The following UROS variants were observed in gnomAD, a reference collection of about 807,000 sequenced individuals.
UROS encodes uroporphyrinogen-III synthase.
A neutral mutation model predicts 33.0 loss-of-function variants in UROS; 18 were observed. That is an observed-to-expected ratio of 0.55 (90% CI 0.38 to 0.81). The LOEUF (loss-of-function observed/expected upper bound fraction) is 0.81, where lower values mean the gene tolerates loss of function less well. Ranked by LOEUF, UROS falls within the 30% of genes least tolerant of loss-of-function variation. The pLI, the probability that UROS is intolerant of heterozygous loss-of-function variation, is 0.00. For missense variants in UROS, 293 were observed against 314.9 expected, an observed-to-expected ratio of 0.93 and a Z score of 0.53; for synonymous variants, 114 against 121.1, an observed-to-expected ratio of 0.94 and a Z score of 0.38.
At position 125,813,109 on chromosome 10, in the gene UROS, C is replaced by A. The variant is rs570084643; in HGVS notation, c.245-821G>T. On this transcript the variant is annotated intron_variant, in intron 4 of 9. Coordinates refer to ENST00000368797, the MANE Select transcript of UROS (RefSeq NM_000375.3). Reference sequence around the variant, plus strand: ...CCCATAAATATCAATAGTATTTATTCAAAAGTTATCCATAGCATGTAAACA... The same window carrying A: ...CCCATAAATATCAATAGTATTTATTAAAAAGTTATCCATAGCATGTAAACA... Among the ~76,000 whole-genome samples, 60 of 152,248 alleles carry A rather than the reference C, an allele frequency of 3.9e-4. 1 individual carries two copies. The highest frequency in any genetic ancestry group is 1.4e-3 in the African/African-American group (59 of 41,520).
intron 5 of UROS, among the ~76,000 whole-genome samples, chr10:125,811,391 G>A (rs760479767): frequency 1.4e-4 from 21 of 152,152 alleles, no homozygotes; most frequent in Admixed American, 7.9e-4. Context: ...AGAGATGTGC[G>A]GGAGGGAAGA....
chr10:125,808,529 C>T (rs1164009943), intron 5 of UROS, among the ~76,000 whole-genome samples: 2 of 152,212 alleles, frequency 1.3e-5, no homozygotes, highest in African/African-American at 2.4e-5. Flanking sequence ...AAAAATCCCA[C>T]AGGAACTGAA....
chr10:125,803,087 G>A (rs1192239959), intron 6 of UROS: 23 of 1,610,116 alleles, frequency 1.4e-5, no homozygotes, highest in Non-Finnish European at 1.9e-5. Flanking sequence ...AGCACACAGA[G>A]CAAGGGAGAC....
chr10:125,800,565 C>CTTTT (rs367801933), intron 6 of UROS, among the ~76,000 whole-genome samples: 8 of 140,404 alleles, frequency 5.7e-5, no homozygotes, highest in Non-Finnish European at 7.7e-5. Context: ...TTCTTTCTTT[C>CTTTT]TTTTTTTTTT....
intron 6 of UROS, 86 bp downstream of exon 6, chr10:125,807,327 T>C: frequency 2.5e-6 from 3 of 1,182,130 alleles, no homozygotes; most frequent in African/African-American, 1.5e-5. Flanking sequence ...AAGAATGCAC[T>C]GAGGAAATAT....
At chr10:125,786,229 G>C (rs552809591), downstream of UROS, among the ~76,000 whole-genome samples, 41 of 151,650 alleles carry the variant, frequency 2.7e-4, no homozygotes, top group African/African-American at 9.7e-4. Context: ...TGAAGTTTGG[G>C]AACAGATTTC....
At chr10:125,818,492 A>AAAT (rs36118712) in intron 1 of UROS, among the ~76,000 whole-genome samples, 104,356 of 147,534 alleles carry the variant, frequency 0.71, 37,698 homozygotes, top group Non-Finnish European at 0.78. Context: ...GATCTTGTCT[A>AAAT]AATAATAATA....
chr10:125,795,804 C>A (rs1202997448), intron 8 of UROS, among the ~76,000 whole-genome samples: 1 of 152,238 alleles, frequency 6.6e-6, no homozygotes, highest in African/African-American at 2.4e-5. Flanking sequence ...TCCTCAAAGT[C>A]ACCACATTAA....
At chr10:125,798,012 G>C in intron 7 of UROS, 53 bp downstream of exon 7, 1 of 1,601,578 alleles carries the variant, frequency 6.2e-7, no homozygotes, top group South Asian at 1.1e-5. Flanking sequence ...CACTGCAAAG[G>C]CTCCTGGTGG....
At chr10:125,802,159 A>G in intron 6 of UROS, 1 of 985,496 alleles carries the variant, frequency 1.0e-6, no homozygotes, top group Non-Finnish European at 1.2e-6. Flanking sequence ...TAGAAACAAA[A>G]AGCCTGGAGC....
At position 125,797,778 on chromosome 10, in the gene UROS, C is replaced by T. The variant is rs144282431; in HGVS notation, c.475+287G>A. 1.7e-4 allele frequency among the ~76,000 whole-genome samples: 26 copies of T among 152,328 alleles called. No homozygotes were observed. In the East Asian group the frequency reaches 4.6e-3, roughly 27 times the overall value. On this transcript the variant is annotated intron_variant, in intron 7 of 9. Coordinates refer to ENST00000368797, the MANE Select transcript of UROS (RefSeq NM_000375.3). ...GTCACCTCAGTTATCTGCCCAGGGG[C>T]CACCTCCACATCTCGATCTCCTGTC...
rs376460648 is a variant in UROS at position 125,796,093 on chromosome 10, C to T, written c.561+10G>A. 41 of 1,613,946 alleles carry T rather than the reference C, an allele frequency of 2.5e-5. No homozygotes were observed. The highest frequency in any genetic ancestry group is 1.7e-4 in the Middle Eastern group (1 of 6,014). ...CCACCCTGCCAGAACCGCCCCCAAACGCCACGTACCTGCTGGGAATAGTAG... is the reference window on the plus strand; with the variant it reads ...CCACCCTGCCAGAACCGCCCCCAAATGCCACGTACCTGCTGGGAATAGTAG... On this transcript the variant is annotated intron_variant, in intron 8 of 9. Coordinates refer to ENST00000368797, the MANE Select transcript of UROS (RefSeq NM_000375.3).
chr10:125,822,134 G>T (rs1196733978), intron 1 of UROS, among the ~76,000 whole-genome samples: 1 of 152,090 alleles, frequency 6.6e-6, no homozygotes, highest in Non-Finnish European at 1.5e-5. Context: ...GAGAACCGCA[G>T]ATCTTATTCC....
At chr10:125,787,988 CT>C (rs1850680336), downstream of UROS, among the ~76,000 whole-genome samples, 1 of 152,176 alleles carries the variant, frequency 6.6e-6, no homozygotes, top group Admixed American at 6.5e-5. Context: ...AGTCTGTTTC[CT>C]CACCAGAAAA....
At chr10:125,789,031 G>A (rs780940338) in intron 9 of UROS, 26 bp from the exon 10 acceptor site, 3 of 1,612,234 alleles carry the variant, frequency 1.9e-6, no homozygotes, top group Admixed American at 3.3e-5. Flanking sequence ...AGAAAACAGG[G>A]CTTCAGCACA....
intron 5 of UROS, among the ~76,000 whole-genome samples, chr10:125,809,087 A>C (rs556759504): frequency 2.0e-5 from 3 of 152,372 alleles, no homozygotes; most frequent in African/African-American, 7.2e-5. Flanking sequence ...GACTATAAGA[A>C]TGTACTACCA....
At chr10:125,817,740 C>T (rs1028592068) in intron 1 of UROS, among the ~76,000 whole-genome samples, 3 of 152,164 alleles carry the variant, frequency 2.0e-5, no homozygotes, top group Admixed American at 6.5e-5. Flanking sequence ...TGACACTCAT[C>T]CAAAGTCTCA....
chr10:125,791,945 C>T (rs190189875), intron 9 of UROS: 6 of 151,960 alleles, frequency 3.9e-5, no homozygotes, highest in African/African-American at 1.5e-4. Flanking sequence ...TTAAAGTTTA[C>T]ATATTGGGCT....
chr10:125,813,933 C>T (rs565935437), intron 4 of UROS, among the ~76,000 whole-genome samples: 13 of 152,334 alleles, frequency 8.5e-5, no homozygotes, highest in African/African-American at 3.1e-4. Flanking sequence ...TTACTCCATG[C>T]CCACTCTGCT....
Sources: gnomAD v4.1 joint callset for allele counts (sites outside exome capture counted in the v4.1 genomes callset) on GRCh38, gnomAD v4.1.1 for gene constraint, MANE v1.5 for transcripts, NCBI Gene and HGNC (gene_info 2026-07-23, HGNC 2026-07-21) for gene names.